The following PDE4B variants were observed in gnomAD, a reference collection of about 807,000 sequenced individuals.
PDE4B encodes phosphodiesterase 4B.
Under a neutral mutation model 82.2 loss-of-function variants are expected in PDE4B, and 20 were observed. That is an observed-to-expected ratio of 0.24 (90% confidence interval 0.17 to 0.35). The LOEUF (loss-of-function observed/expected upper bound fraction) is 0.35, where lower values mean the gene tolerates loss of function less well. Ranked by LOEUF, PDE4B falls within the 10% of genes least tolerant of loss-of-function variation. The pLI is 1.00. For synonymous variants in PDE4B, 320 were observed against 318.9 expected, an observed-to-expected ratio of 1.00 and a Z score of -0.04; for missense variants, 655 against 907.2, an observed-to-expected ratio of 0.72 and a Z score of 3.57.
chr1:65,834,425 T>A (rs571696530), intron 1 of PDE4B, among the ~76,000 whole-genome samples: 141 of 152,358 alleles, frequency 9.3e-4, no homozygotes, highest in African/African-American at 3.2e-3. Flanking sequence ...TCTTACACAG[T>A]AAAACTTAAA....
chr1:66,129,689 C>A (rs940380841), intron 3 of PDE4B, among the ~76,000 whole-genome samples: 10,560 of 85,654 alleles, frequency 0.12, 1,166 homozygotes, highest in African/African-American at 0.29. Context: ...AACAAAAAAA[C>A]AAAAAAACAA....
intron 1 of PDE4B, among the ~76,000 whole-genome samples, chr1:65,837,375 TGAGGTCAGGAGTTCAAGACCA>T (rs1646152051): frequency 6.6e-6 from 1 of 152,096 alleles, no homozygotes; most frequent in African/African-American, 2.4e-5. Flanking sequence ...GAGGATCACC[TGAGGTCAGGAGTTCAAGACCA>T]GCCTGCCTCT....
chr1:65,901,718 C>G (rs1446666865), intron 1 of PDE4B, among the ~76,000 whole-genome samples: 1 of 151,934 alleles, frequency 6.6e-6, no homozygotes, highest in African/African-American at 2.4e-5. Flanking sequence ...AGCTAGTGTT[C>G]TATTCATCTT....
intron 1 of PDE4B, among the ~76,000 whole-genome samples, chr1:65,864,596 G>A (rs1428321438): frequency 6.6e-6 from 1 of 152,156 alleles, no homozygotes; most frequent in African/African-American, 2.4e-5. Context: ...CTGTTTGTTA[G>A]TTTTTCTTCT....
chr1:66,090,616 A>ATGTGTGTGTGTGT (rs200925983), intron 3 of PDE4B, among the ~76,000 whole-genome samples: 6 of 89,934 alleles, frequency 6.7e-5, no homozygotes, highest in East Asian at 2.9e-4. Flanking sequence ...ATATGTATAT[A>ATGTGTGTGTGTGT]ATATATGTGT....
At chr1:65,828,001 G>A (rs1646038851) in intron 1 of PDE4B, among the ~76,000 whole-genome samples, 2 of 152,034 alleles carry the variant, frequency 1.3e-5, no homozygotes, top group South Asian at 4.1e-4. Context: ...CGTATTTAAA[G>A]TGCAAAGAAA....
intron 2 of PDE4B, among the ~76,000 whole-genome samples, chr1:65,915,087 C>T (rs985159836): frequency 6.6e-6 from 1 of 151,996 alleles, no homozygotes; most frequent in African/African-American, 2.4e-5. Flanking sequence ...TAAATTTTAC[C>T]TGTTTCTTTT....
chr1:66,334,277 A>T (rs1309759211), intron 8 of PDE4B, among the ~76,000 whole-genome samples: 1 of 152,256 alleles, frequency 6.6e-6, no homozygotes, highest in Non-Finnish European at 1.5e-5. Flanking sequence ...CAAGAAGAGA[A>T]AAAGAGTACC....
chr1:66,309,938 C>T (rs1658549715), intron 7 of PDE4B, among the ~76,000 whole-genome samples: 1 of 152,194 alleles, frequency 6.6e-6, no homozygotes, highest in South Asian at 2.1e-4. Flanking sequence ...TGGGGTAGTA[C>T]CTGCCAGGCT....
intron 7 of PDE4B, chr1:66,267,507 A>G (rs1655142087): frequency 6.6e-6 from 1 of 151,712 alleles, no homozygotes; most frequent in Non-Finnish European, 1.5e-5. Context: ...ACTGACAAAC[A>G]TTAGGAGAAT....
At chr1:66,106,852 GCATTC>G (rs1365122540) in intron 3 of PDE4B, among the ~76,000 whole-genome samples, 1 of 99,236 alleles carries the variant, frequency 1.0e-5, no homozygotes. Flanking sequence ...AGTCTTGCTA[GCATTC>G]TGTCAATTTT....
intron 3 of PDE4B, among the ~76,000 whole-genome samples, chr1:66,198,143 G>A (rs1053112719): frequency 6.6e-5 from 10 of 152,062 alleles, no homozygotes; most frequent in Admixed American, 2.6e-4. Context: ...TGAATCTGGA[G>A]ACTTAAGATC....
chr1:66,372,281 A>G, intron 16 of PDE4B, 32 bp from the exon 17 acceptor site: 1 of 1,568,000 alleles, frequency 6.4e-7, no homozygotes, highest in South Asian at 1.2e-5. Context: ...GCACCATCAC[A>G]ATAACAGATG....
intron 3 of PDE4B, among the ~76,000 whole-genome samples, chr1:66,160,056 G>C (rs1418859253): frequency 1.3e-5 from 2 of 152,168 alleles, no homozygotes; most frequent in African/African-American, 4.8e-5. Flanking sequence ...AGTTGTCTGG[G>C]ACCAAGAATG....
In PDE4B at chr1:65,931,617, G is replaced by A. The variant is rs180923685; in HGVS notation, c.281+12782G>A. Reference sequence around the variant, plus strand: ...GAAGTGATACCCTCCTTCCCCCAACGAACCCACCAATTCAACAACAACTCA... The same window carrying A: ...GAAGTGATACCCTCCTTCCCCCAACAAACCCACCAATTCAACAACAACTCA... On this transcript the variant is annotated intron_variant, in intron 3 of 16. Transcript: ENST00000341517. 3.9e-5 allele frequency among the ~76,000 whole-genome samples: 6 copies of A among 152,126 alleles called. No individual in the cohort carries two copies. In the South Asian group the frequency reaches 8.3e-4, roughly 21 times the overall value.
rs1318823434 is a variant in PDE4B at position 66,137,135 on chromosome 1, AG to A, written c.282-110324del. ...TAGAGTTTTTAGAATTGGAGAAGCC[AG>A]CAATGTTCACAGGCTGAGGGAAAAC... is the stretch of plus-strand genomic sequence containing the variant. On this transcript the variant is annotated intron_variant, in intron 3 of 16. Coordinates refer to ENST00000341517, the MANE Select transcript of PDE4B (RefSeq NM_002600.4). 1.6e-4 allele frequency among the ~76,000 whole-genome samples: 25 copies of A among 152,298 alleles called. No homozygotes were observed. In the East Asian group the frequency reaches 3.5e-3, roughly 21 times the overall value.
chr1:66,296,375 T>A (rs758317310), intron 7 of PDE4B, among the ~76,000 whole-genome samples: 21 of 152,164 alleles, frequency 1.4e-4, no homozygotes, highest in Non-Finnish European at 2.4e-4. Context: ...AGCATACTTT[T>A]ATGGAGAATG....
At chr1:66,269,004 C>A (rs890245241) in intron 7 of PDE4B, among the ~76,000 whole-genome samples, 2 of 152,158 alleles carry the variant, frequency 1.3e-5, no homozygotes, top group Admixed American at 1.3e-4. Flanking sequence ...ATAGTAAGAA[C>A]ACAGTAAGTG....
chr1:65,882,755 G>A (rs942296582), intron 1 of PDE4B, among the ~76,000 whole-genome samples: 9 of 151,650 alleles, frequency 5.9e-5, no homozygotes, highest in African/African-American at 1.5e-4. Flanking sequence ...TGTTTTACAT[G>A]TTTTTATATT....
Sources: allele counts gnomAD v4.1 joint callset (sites outside exome capture counted in the v4.1 genomes callset), GRCh38; gene constraint gnomAD v4.1.1; transcripts MANE v1.5; gene names NCBI Gene and HGNC (gene_info 2026-07-23, HGNC 2026-07-21).